CASK: variants seen among roughly 807,000 people sequenced by gnomAD.
CASK encodes the protein peripheral plasma membrane protein CASK.
A neutral mutation model predicts 82.9 loss-of-function variants in CASK; 4 were observed. That is an observed-to-expected ratio of 0.05 (90% CI 0.02 to 0.11). The LOEUF is 0.11. CASK is among the 10% of genes least tolerant of loss of function. The probability of loss-of-function intolerance (pLI) is 1.00; values close to 1 mark genes in which losing one functional copy is unlikely to be tolerated. For missense variants in CASK, 358 were observed against 720.9 expected, an observed-to-expected ratio of 0.50 and a Z score of 5.76; for synonymous variants, 259 against 253.5, an observed-to-expected ratio of 1.02 and a Z score of -0.20.
At chrX:41,535,306 C>T (rs1290718056) in intron 22 of CASK, among the ~76,000 whole-genome samples, 1 of 110,772 alleles carries the variant, frequency 9.0e-6, no homozygotes, top group Non-Finnish European at 1.9e-5. Flanking sequence ...ACATGCTGTT[C>T]ATATTTTTCC....
intron 22 of CASK, among the ~76,000 whole-genome samples, chrX:41,540,697 A>G (rs1257355577): frequency 8.9e-6 from 1 of 112,390 alleles, no homozygotes; most frequent in Non-Finnish European, 1.9e-5. Flanking sequence ...AGAGAATGGG[A>G]GCAATGGAAG....
intron 21 of CASK, among the ~76,000 whole-genome samples, chrX:41,547,903 G>A (rs1291406040): frequency 2.7e-5 from 3 of 112,482 alleles, no homozygotes; most frequent in Admixed American, 1.9e-4. Context: ...GATTACAGGC[G>A]TGAGCCACCA....
chrX:41,554,637 T>C (rs1296385713), intron 20 of CASK, among the ~76,000 whole-genome samples: 1 of 111,954 alleles, frequency 8.9e-6, no homozygotes, highest in Non-Finnish European at 1.9e-5. Context: ...TTTTATGATA[T>C]GTGAGTTTAC....
intron 8 of CASK, among the ~76,000 whole-genome samples, chrX:41,648,889 C>G (rs1273568272): frequency 9.0e-6 from 1 of 111,305 alleles, no homozygotes; most frequent in Non-Finnish European, 1.9e-5. Flanking sequence ...TGGTCCTGGA[C>G]TTTTTTGCTT....
At chrX:41,840,666 G>A (rs1190500080) in intron 2 of CASK, among the ~76,000 whole-genome samples, 1 of 112,011 alleles carries the variant, frequency 8.9e-6, no homozygotes, top group East Asian at 2.8e-4. Flanking sequence ...CCAATTTTAG[G>A]GGAAAAACAT....
chrX:41,748,462 C>T (rs2068732268), intron 3 of CASK: 3 of 158,761 alleles, frequency 1.9e-5, no homozygotes, highest in South Asian at 2.9e-4. Flanking sequence ...TGATGTGCAA[C>T]CCAAAGATCT....
chrX:41,525,362 T>C (rs2064697336), intron 25 of CASK, among the ~76,000 whole-genome samples: 1 of 111,380 alleles, frequency 9.0e-6, no homozygotes, highest in South Asian at 3.8e-4. Flanking sequence ...TCTGGCTTCC[T>C]GGCCTTTTGA....
At chrX:41,734,689 G>GT (rs748332811) in intron 5 of CASK, among the ~76,000 whole-genome samples, 2 of 111,402 alleles carry the variant, frequency 1.8e-5, no homozygotes, top group Non-Finnish European at 3.8e-5. Context: ...ATTTAGCAAT[G>GT]TTTGGAGACA....
intron 5 of CASK, among the ~76,000 whole-genome samples, chrX:41,738,619 T>C (rs922385624): frequency 8.9e-6 from 1 of 112,084 alleles, no homozygotes; most frequent in African/African-American, 3.2e-5. Context: ...TAATATATCT[T>C]GAGGGAAGGA....
intron 1 of CASK, among the ~76,000 whole-genome samples, chrX:41,911,386 CAA>C (rs1240127869): frequency 5.4e-5 from 6 of 111,937 alleles, no homozygotes; most frequent in Non-Finnish European, 9.4e-5. Flanking sequence ...CTAAACAGAC[CAA>C]CCACTCAATT....
At chrX:41,576,656 G>C (rs952318400) in intron 15 of CASK, among the ~76,000 whole-genome samples, 1 of 111,906 alleles carries the variant, frequency 8.9e-6, no homozygotes, top group Non-Finnish European at 1.9e-5. Context: ...ATAAATGAAT[G>C]AATATATAAA....
chrX:41,597,821 A>T (rs1420406519), intron 12 of CASK, among the ~76,000 whole-genome samples: 1 of 111,114 alleles, frequency 9.0e-6, no homozygotes, highest in Non-Finnish European at 1.9e-5. Flanking sequence ...CTAAAAATCT[A>T]TTTTTCTTGC....
At chrX:41,599,176 A>T (rs1372186774) in intron 12 of CASK, among the ~76,000 whole-genome samples, 2 of 111,807 alleles carry the variant, frequency 1.8e-5, no homozygotes, top group Admixed American at 1.9e-4. Flanking sequence ...TGTAATGGAC[A>T]ACTGCTTACT....
At chrX:41,852,342 G>C (rs2071281739) in intron 2 of CASK, among the ~76,000 whole-genome samples, 1 of 110,879 alleles carries the variant, frequency 9.0e-6, no homozygotes, top group Admixed American at 9.6e-5. Flanking sequence ...TTGCTCTTGG[G>C]ATTAAAAAGG....
intron 2 of CASK, among the ~76,000 whole-genome samples, chrX:41,795,603 T>C (rs1210374654): frequency 2.7e-5 from 3 of 110,320 alleles, no homozygotes; most frequent in Non-Finnish European, 5.7e-5. Context: ...GAGGTGGAGG[T>C]TGCAGTCAGC....
At chrX:41,547,621 T>A (rs979438173) in intron 21 of CASK, among the ~76,000 whole-genome samples, 1 of 109,317 alleles carries the variant, frequency 9.1e-6, no homozygotes, top group African/African-American at 3.4e-5. Context: ...GATTTTCGTA[T>A]ATTGATTTTT....
intron 5 of CASK, chrX:41,696,583 C>T (rs748084056): frequency 1.2e-5 from 14 of 1,207,159 alleles, no homozygotes; most frequent in Admixed American, 2.2e-5. Flanking sequence ...GTTCTCTCAT[C>T]TTTCAATAGT....
chrX:41,846,623 A>G (rs1041108406), intron 2 of CASK, among the ~76,000 whole-genome samples: 4 of 112,052 alleles, frequency 3.6e-5, no homozygotes, highest in African/African-American at 1.3e-4. Flanking sequence ...TTGTAACACA[A>G]AGGTTAAATG....
Position 41,586,894 on chromosome X carries a change from A to T in CASK, c.1314+13T>A. Reference sequence around the variant, plus strand: ...TGAGGTTTCAGTTCTATGGAAGTTTAATTATTACTTACCATGAAATGAGGT... The same window carrying T: ...TGAGGTTTCAGTTCTATGGAAGTTTTATTATTACTTACCATGAAATGAGGT... On this transcript the variant is annotated intron_variant, in intron 14 of 26. Transcript: ENST00000378163. 1 of 1,079,662 alleles carries T rather than the reference A, an allele frequency of 9.3e-7. No homozygotes were observed. The highest frequency in any genetic ancestry group is 1.3e-6 in the Non-Finnish European group (1 of 775,960). 89.0% of individuals were successfully genotyped at this position (1,079,662 alleles called of 1,213,427 possible).
Sources: allele counts gnomAD v4.1 joint callset (sites outside exome capture counted in the v4.1 genomes callset), GRCh38; gene constraint gnomAD v4.1.1; transcripts MANE v1.5; gene names NCBI Gene and HGNC (gene_info 2026-07-23, HGNC 2026-07-21).